Variants in SLC35F4 observed in about 807,000 individuals in gnomAD.
SLC35F4 encodes the protein chromosome 14 open reading frame 36.
SLC35F4 carries 24 observed loss-of-function variants against 44.2 expected under a neutral mutation model. That is an observed-to-expected ratio of 0.54 (90% CI 0.39 to 0.76). SLC35F4 has a LOEUF of 0.76. Among genes scored for constraint, SLC35F4 ranks in the 30% least tolerant of loss-of-function variants. SLC35F4 has a pLI of 0.00. For missense variants in SLC35F4, 562 were observed against 586.1 expected (o/e 0.96, Z 0.42); for synonymous variants, 238 against 223.6 (o/e 1.06, Z -0.57).
chr14:57,800,546 A>AG (rs554862129), intron 1 of SLC35F4, among the ~76,000 whole-genome samples: 84 of 152,182 alleles, frequency 5.5e-4, no homozygotes, highest in Non-Finnish European at 1.0e-3. Flanking sequence ...AGGCTTCAGA[A>AG]GGGGGGTAAT....
intron 1 of SLC35F4, among the ~76,000 whole-genome samples, chr14:57,751,833 C>A (rs2076890925): frequency 6.6e-6 from 1 of 151,944 alleles, no homozygotes; most frequent in African/African-American, 2.4e-5. Context: ...TAAAATTTGG[C>A]CTTCACTAAA....
intron 1 of SLC35F4, among the ~76,000 whole-genome samples, chr14:57,733,712 C>T (rs1397448042): frequency 1.3e-5 from 2 of 151,906 alleles, no homozygotes; most frequent in African/African-American, 4.8e-5. Context: ...CAAACCTACG[C>T]AAAAGTACAG....
rs904314938 is a variant in SLC35F4, at chr14:57,853,680, T to A, written c.103+12043A>T. ...ACGTAAACGCTGGAACTGCTGGCAGTGGCTATTTTCGACCATTTGGACAAG... is the reference window on the plus strand; with the variant it reads ...ACGTAAACGCTGGAACTGCTGGCAGAGGCTATTTTCGACCATTTGGACAAG... On this transcript the variant is annotated intron_variant, in intron 1 of 7. Transcript: ENST00000556826. 3.5e-4 allele frequency among the ~76,000 whole-genome samples: 53 copies of A among 151,288 alleles called. 1 individual carries two copies. Among genetic ancestry groups the A allele is most frequent in the Admixed American group, 6.5e-5 (1 of 15,270 alleles).
intron 1 of SLC35F4, among the ~76,000 whole-genome samples, chr14:57,769,662 T>C (rs1261740609): frequency 6.6e-6 from 1 of 152,120 alleles, no homozygotes; most frequent in Non-Finnish European, 1.5e-5. Flanking sequence ...CCAGAAAAAC[T>C]TAGTCAGTGC....
At chr14:57,927,765 A>G (rs1889609876) in intron 1 of SLC35F4, among the ~76,000 whole-genome samples, 1 of 152,150 alleles carries the variant, frequency 6.6e-6, no homozygotes, top group Non-Finnish European at 1.5e-5. Context: ...TGCTGGGATT[A>G]CAGGCATTAG....
intron 1 of SLC35F4, among the ~76,000 whole-genome samples, chr14:57,903,321 G>T (rs1021185854): frequency 2.0e-5 from 3 of 152,186 alleles, no homozygotes; most frequent in Non-Finnish European, 4.4e-5. Context: ...CTGGCTATCA[G>T]AATTCTTGCT....
chr14:57,917,689 T>G (rs1380173485), intron 1 of SLC35F4, among the ~76,000 whole-genome samples: 1 of 152,184 alleles, frequency 6.6e-6, no homozygotes, highest in Non-Finnish European at 1.5e-5. Flanking sequence ...TTTTCATTTT[T>G]ACTTCAATTT....
intron 1 of SLC35F4, among the ~76,000 whole-genome samples, chr14:57,942,406 T>A (rs1889932032): frequency 6.6e-6 from 1 of 152,056 alleles, no homozygotes; most frequent in African/African-American, 2.4e-5. Flanking sequence ...TTCTAAAATC[T>A]CTTTCATAAC....
Position 57,735,731 on chromosome 14 carries a change from T to G in SLC35F4, c.103+129992A>C, listed in dbSNP as rs576901444. ...AACATAGCCACCCCCTTTTGTTTTT[T>G]TTTTTTTTAAAGACAGAGCTTCACT... is the stretch of plus-strand genomic sequence containing the variant. On this transcript the variant is annotated intron_variant, in intron 1 of 7. Transcript: ENST00000556826. 1.3e-4 allele frequency among the ~76,000 whole-genome samples: 20 copies of G among 149,578 alleles called. 1 individual carries two copies. The Middle Eastern group carries it at 9.6e-3, about 71-fold the overall frequency.
At chr14:57,957,319 A>G (rs1890256092) in intron 1 of SLC35F4, among the ~76,000 whole-genome samples, 1 of 152,116 alleles carries the variant, frequency 6.6e-6, no homozygotes, top group African/African-American at 2.4e-5. Flanking sequence ...GGATAGCATT[A>G]GGAGAAATAC....
chr14:57,584,433 GGGAGTAACTTCT>G (rs200883881), intron 3 of SLC35F4, among the ~76,000 whole-genome samples: 3,408 of 152,158 alleles, frequency 0.022, 69 homozygotes, highest in Middle Eastern at 0.048. Context: ...TGAGAGCTTC[GGGAGTAACTTCT>G]GGAGTAACTT....
chr14:57,771,296 A>G (rs1204279851), intron 1 of SLC35F4, among the ~76,000 whole-genome samples: 5 of 152,166 alleles, frequency 3.3e-5, no homozygotes, highest in Non-Finnish European at 7.3e-5. Context: ...TAATATGTCT[A>G]AAAACTCATT....
At chr14:57,936,515 T>TC (rs1262097617) in intron 1 of SLC35F4, among the ~76,000 whole-genome samples, 1 of 152,090 alleles carries the variant, frequency 6.6e-6, no homozygotes, top group South Asian at 2.1e-4. Flanking sequence ...TGAGTCTCTC[T>TC]CCCCCCAGGG....
At chr14:57,730,141 C>T (rs1360613546) in intron 1 of SLC35F4, among the ~76,000 whole-genome samples, 1 of 152,186 alleles carries the variant, frequency 6.6e-6, no homozygotes, top group Non-Finnish European at 1.5e-5. Flanking sequence ...CTCCTCAATG[C>T]CTCTTTTGGC....
chr14:57,622,945 C>A (rs1332881899), intron 1 of SLC35F4, among the ~76,000 whole-genome samples: 1 of 152,054 alleles, frequency 6.6e-6, no homozygotes, highest in Non-Finnish European at 1.5e-5. Flanking sequence ...ATGACAGGAT[C>A]GACTTCACAC....
intron 1 of SLC35F4, among the ~76,000 whole-genome samples, chr14:57,646,642 G>A (rs1469265479): frequency 6.6e-6 from 1 of 152,042 alleles, no homozygotes; most frequent in African/African-American, 2.4e-5. Context: ...TCTGATCTTA[G>A]TTATTTCTCA....
At chr14:57,919,910 A>G (rs10145503) in intron 1 of SLC35F4, among the ~76,000 whole-genome samples, 33,336 of 151,982 alleles carry the variant, frequency 0.22, 3,914 homozygotes, top group East Asian at 0.41. Context: ...AGACGTGGTG[A>G]TTCTTTTAGA....
intron 1 of SLC35F4, among the ~76,000 whole-genome samples, chr14:57,600,749 A>C (rs1009666657): frequency 2.0e-5 from 3 of 151,672 alleles, no homozygotes; most frequent in Non-Finnish European, 2.9e-5. Context: ...ATAACTCAAC[A>C]AAATATATGA....
intron 1 of SLC35F4, among the ~76,000 whole-genome samples, chr14:57,887,814 G>C (rs1442716522): frequency 6.6e-6 from 1 of 152,170 alleles, no homozygotes; most frequent in East Asian, 1.9e-4. Context: ...GCGATACAAA[G>C]TCATGCCTAA....
Sources: allele counts gnomAD v4.1 joint callset (sites outside exome capture counted in the v4.1 genomes callset), GRCh38; gene constraint gnomAD v4.1.1; transcripts MANE v1.5; gene names NCBI Gene and HGNC (gene_info 2026-07-23, HGNC 2026-07-21).